IL1RAPL2: variants seen among roughly 807,000 people sequenced by gnomAD.
The protein encoded by IL1RAPL2 is interleukin 1 receptor accessory protein like 2.
IL1RAPL2 carries 3 observed loss-of-function variants against 44.1 expected under a neutral mutation model. That is an observed-to-expected ratio of 0.07 (90% confidence interval 0.03 to 0.18). The LOEUF (loss-of-function observed/expected upper bound fraction) is 0.18. Among genes scored for constraint, IL1RAPL2 ranks in the 10% least tolerant of loss-of-function variants. IL1RAPL2 has a pLI of 1.00. For missense variants in IL1RAPL2, 391 were observed against 496.4 expected, an observed-to-expected ratio of 0.79 and a Z score of 2.02; for synonymous variants, 181 against 178.8, an observed-to-expected ratio of 1.01 and a Z score of -0.10.
intron 5 of IL1RAPL2, among the ~76,000 whole-genome samples, chrX:105,424,533 G>A (rs959978172): frequency 1.3e-4 from 14 of 109,096 alleles, no homozygotes; most frequent in East Asian, 5.8e-4. Flanking sequence ...TTTTCCTTTC[G>A]CAGTACTCAA....
chrX:105,012,894 C>G (rs2031090306), intron 2 of IL1RAPL2, among the ~76,000 whole-genome samples: 2 of 110,081 alleles, frequency 1.8e-5, no homozygotes, highest in African/African-American at 6.6e-5. Flanking sequence ...GATTTGATCT[C>G]TGGTGGTAAA....
At chrX:105,018,092 A>G (rs1242518760) in intron 2 of IL1RAPL2, among the ~76,000 whole-genome samples, 2 of 111,697 alleles carry the variant, frequency 1.8e-5, no homozygotes, top group African/African-American at 6.5e-5. Context: ...TTCAGAAGTC[A>G]TCTCTTAAAG....
chrX:104,608,188 A>T (rs1461392641), intron 1 of IL1RAPL2, among the ~76,000 whole-genome samples: 1 of 109,301 alleles, frequency 9.1e-6, no homozygotes, highest in African/African-American at 3.3e-5. Context: ...ATGAGAACAC[A>T]TGGACACGTG....
intron 2 of IL1RAPL2, among the ~76,000 whole-genome samples, chrX:105,133,918 C>T (rs2033051790): frequency 9.0e-6 from 1 of 111,442 alleles, no homozygotes; most frequent in Admixed American, 9.6e-5. Flanking sequence ...AGGGGACACC[C>T]GTAGTCGGAC....
intron 2 of IL1RAPL2, among the ~76,000 whole-genome samples, chrX:104,708,804 C>T (rs1931404381): frequency 9.0e-6 from 1 of 110,730 alleles, no homozygotes. Flanking sequence ...CCTCAATTAT[C>T]AACTCTATCT....
intron 3 of IL1RAPL2, 92 bp from the exon 4 acceptor site, chrX:105,233,726 A>G: frequency 1.3e-6 from 1 of 756,386 alleles, no homozygotes; most frequent in Non-Finnish European, 1.9e-6. Context: ...CAAGGTCCTA[A>G]ATGGAAAAGC....
chrX:105,384,211 A>T (rs2035459326), intron 5 of IL1RAPL2, among the ~76,000 whole-genome samples: 1 of 111,467 alleles, frequency 9.0e-6, no homozygotes, highest in Admixed American at 9.6e-5. Context: ...GCATTTCCCC[A>T]AAGTTTTCTT....
At chrX:105,369,782 C>A (rs1328178919) in intron 5 of IL1RAPL2, among the ~76,000 whole-genome samples, 1 of 111,257 alleles carries the variant, frequency 9.0e-6, no homozygotes, top group Non-Finnish European at 1.9e-5. Flanking sequence ...GATGCTCTAT[C>A]TGTGCCAAAT....
intron 2 of IL1RAPL2, among the ~76,000 whole-genome samples, chrX:104,925,836 A>G (rs1210850663): frequency 2.7e-5 from 3 of 111,737 alleles, no homozygotes; most frequent in African/African-American, 9.8e-5. Flanking sequence ...TAATATTGAC[A>G]TTCGTGGCCA....
chrX:105,534,035 T>A (rs1485199883), intron 6 of IL1RAPL2, among the ~76,000 whole-genome samples: 1 of 112,448 alleles, frequency 8.9e-6, no homozygotes, highest in African/African-American at 3.2e-5. Flanking sequence ...ATCATTTGTT[T>A]ATATGTATTT....
intron 6 of IL1RAPL2, among the ~76,000 whole-genome samples, chrX:105,505,648 A>G (rs1237229462): frequency 9.0e-6 from 1 of 111,723 alleles, no homozygotes; most frequent in Non-Finnish European, 1.9e-5. Flanking sequence ...AGATGGAGAT[A>G]GGAGTGGTGT....
chrX:105,269,236 T>A (rs1310023704), intron 5 of IL1RAPL2, among the ~76,000 whole-genome samples: 1 of 110,668 alleles, frequency 9.0e-6, no homozygotes, highest in Non-Finnish European at 1.9e-5. Context: ...GATGACCTTT[T>A]TGAGATAGTG....
intron 2 of IL1RAPL2, among the ~76,000 whole-genome samples, chrX:105,169,668 A>C (rs1384395145): frequency 9.4e-6 from 1 of 106,800 alleles, no homozygotes; most frequent in Non-Finnish European, 1.9e-5. Context: ...AGCTGGGATT[A>C]CAGGTGCATG....
In IL1RAPL2 at chrX:105,445,172, A is replaced by T. The variant is rs745918621; in HGVS notation, c.698-39141A>T. Among the ~76,000 whole-genome samples, 5 of 111,645 alleles carry T rather than the reference A, an allele frequency of 4.5e-5. No homozygotes were observed. In the South Asian group the frequency reaches 1.8e-3, roughly 41 times the overall value. On this transcript the variant is annotated intron_variant, in intron 5 of 10. Transcript: ENST00000372582. ...CAGATTATTCTAGATTTTCCAATTA[A>T]TTGGCATAACTTACTCATAGTAGCC...
intron 9 of IL1RAPL2, among the ~76,000 whole-genome samples, chrX:105,751,892 A>G (rs1032199713): frequency 8.9e-6 from 1 of 112,012 alleles, no homozygotes; most frequent in Non-Finnish European, 1.9e-5. Context: ...AAATATTTTG[A>G]CATAACATAG....
At chrX:105,419,939 C>T (rs904998203) in intron 5 of IL1RAPL2, among the ~76,000 whole-genome samples, 1 of 110,896 alleles carries the variant, frequency 9.0e-6, no homozygotes, top group Non-Finnish European at 1.9e-5. Flanking sequence ...AAAGTGAGAC[C>T]ATTTGTGAAA....
chrX:105,584,362 A>G (rs1175699017), intron 6 of IL1RAPL2, among the ~76,000 whole-genome samples: 1 of 111,523 alleles, frequency 9.0e-6, no homozygotes, highest in Non-Finnish European at 1.9e-5. Context: ...GCCCTCCTTT[A>G]TCGCTGATAA....
intron 3 of IL1RAPL2, among the ~76,000 whole-genome samples, chrX:105,199,313 AT>A (rs57910427): frequency 1.5e-3 from 145 of 94,544 alleles, no homozygotes; most frequent in African/African-American, 3.1e-3. Context: ...TGGTGGTTGT[AT>A]TTTTTTTTTT....
At chrX:105,031,401 A>T (rs2031492129) in intron 2 of IL1RAPL2, among the ~76,000 whole-genome samples, 1 of 111,078 alleles carries the variant, frequency 9.0e-6, no homozygotes. Flanking sequence ...AGCTCTTACT[A>T]TTTTGAGATA....
Sources: gnomAD v4.1 joint callset for allele counts (sites outside exome capture counted in the v4.1 genomes callset) on GRCh38, gnomAD v4.1.1 for gene constraint, MANE v1.5 for transcripts, NCBI Gene and HGNC (gene_info 2026-07-23, HGNC 2026-07-21) for gene names.